The following STX18 variants were observed in gnomAD, a reference collection of about 807,000 sequenced individuals.
The protein encoded by STX18 is syntaxin-18.
STX18 carries 40 observed loss-of-function variants against 50.1 expected under a neutral mutation model. The observed-to-expected ratio is 0.80, with a 90% CI of 0.62 to 1.04. STX18 has a LOEUF of 1.04. Among genes scored for constraint, STX18 ranks in the 50% least tolerant of loss-of-function variants. The probability of loss-of-function intolerance (pLI) is 0.00; values close to 1 mark genes in which losing one functional copy is unlikely to be tolerated. For missense variants in STX18, 410 were observed against 415.8 expected (o/e 0.99, Z 0.12); for synonymous variants, 158 against 151.8 (o/e 1.04, Z -0.30).
At chr4:4,478,203 C>T (rs1728286926) in intron 1 of STX18, among the ~76,000 whole-genome samples, 1 of 147,390 alleles carries the variant, frequency 6.8e-6, no homozygotes, top group South Asian at 2.1e-4. Flanking sequence ...AAATTAACTA[C>T]ACTGGATACA....
At chr4:4,422,403 C>T (rs1408515134) in intron 9 of STX18, among the ~76,000 whole-genome samples, 2 of 151,852 alleles carry the variant, frequency 1.3e-5, no homozygotes, top group Non-Finnish European at 2.9e-5. Flanking sequence ...CCCGTCTTTA[C>T]TAAAAATACC....
intron 9 of STX18, 132 bp downstream of exon 9, chr4:4,423,386 C>T (rs1725067728): frequency 1.2e-6 from 1 of 861,756 alleles, no homozygotes; most frequent in Non-Finnish European, 1.9e-6. Context: ...TCTGCGCACA[C>T]ACACCTGCTA....
chr4:4,505,937 C>T (rs1373529592), intron 1 of STX18, among the ~76,000 whole-genome samples: 5 of 152,142 alleles, frequency 3.3e-5, no homozygotes, highest in Non-Finnish European at 5.9e-5. Context: ...GCCCTTTGTG[C>T]CTGTTTTTTA....
intron 1 of STX18, among the ~76,000 whole-genome samples, chr4:4,536,871 T>C (rs1049986704): frequency 6.6e-6 from 1 of 152,244 alleles, no homozygotes; most frequent in Admixed American, 6.5e-5. Context: ...TTCAGGATCA[T>C]TATTACCTTA....
chr4:4,462,693 TAA>T (rs1035145547), intron 2 of STX18, among the ~76,000 whole-genome samples: 3 of 138,862 alleles, frequency 2.2e-5, no homozygotes, highest in Non-Finnish European at 3.2e-5. Flanking sequence ...AAAACCACCT[TAA>T]AAAAAAAAAA....
intron 1 of STX18, among the ~76,000 whole-genome samples, chr4:4,479,667 T>A (rs1577359786): frequency 1.3e-5 from 2 of 152,228 alleles, no homozygotes; most frequent in South Asian, 4.1e-4. Context: ...ACTAGCTATA[T>A]TTTAATGACG....
chr4:4,494,079 G>A (rs1729063523), intron 1 of STX18, among the ~76,000 whole-genome samples: 1 of 152,138 alleles, frequency 6.6e-6, no homozygotes, highest in African/African-American at 2.4e-5. Flanking sequence ...ACTGGGGTCA[G>A]GTAAGCTAGG....
Position 4,459,349 on chromosome 4 carries a change from T to C in STX18, c.352+23A>G, listed in dbSNP as rs540414133. On this transcript the variant is annotated intron_variant, in intron 3 of 10. Transcript: ENST00000306200. ...ACTTGCTATATTCATGGTTGCTTGT[T>C]TGCATCTTTCAGAGCACTTTACCTT... 1.9e-6 allele frequency: 3 copies of C among 1,570,240 alleles called. No homozygotes were observed. The South Asian group carries it at 3.3e-5, about 17-fold the overall frequency.
Position 4,459,434 on chromosome 4 carries a change from T to A in STX18, c.290A>T (p.Asp97Val). The A allele has an allele frequency of 3.1e-6, 5 of 1,614,156 alleles. No individual in the cohort carries two copies. The highest frequency in any genetic ancestry group is 4.2e-6 in the Non-Finnish European group (5 of 1,180,020). The change falls in exon 3 of 11, where the codon GAC (aspartate) becomes GTC (valine). Residue 97 changes from aspartate to valine, a missense_variant. By Grantham distance (152) the Asp-to-Val change is radical. Coordinates refer to ENST00000306200, the MANE Select transcript of STX18 (RefSeq NM_016930.4). ...RMTDTERDQIDQDAQIFMRTC... is the reference protein window; with the variant it reads ...RMTDTERDQIVQDAQIFMRTC... The stretch of plus-strand genomic sequence containing the variant: ...CCTCATGAATATCTGGGCATCCTGG[T>A]CTATCTGGTCTCGTTCTGTGTCTGT...
intron 5 of STX18, among the ~76,000 whole-genome samples, chr4:4,447,414 C>G (rs1726470616): frequency 6.6e-6 from 1 of 151,398 alleles, no homozygotes; most frequent in African/African-American, 2.4e-5. Flanking sequence ...ACGGTGAAAC[C>G]CCGTCTCTAC....
chr4:4,470,315 G>C (rs902741497), intron 2 of STX18, among the ~76,000 whole-genome samples: 2 of 152,128 alleles, frequency 1.3e-5, no homozygotes, highest in Non-Finnish European at 2.9e-5. Context: ...CCTCTTCCTA[G>C]TTGGGAAAAA....
chr4:4,469,451 CA>C (rs1405852990), intron 2 of STX18, among the ~76,000 whole-genome samples: 3 of 151,834 alleles, frequency 2.0e-5, no homozygotes, highest in African/African-American at 7.3e-5. Flanking sequence ...GCTTAAGGAG[CA>C]AGCAAGGTCA....
At chr4:4,494,460 A>G (rs902760168) in intron 1 of STX18, among the ~76,000 whole-genome samples, 8 of 152,206 alleles carry the variant, frequency 5.3e-5, no homozygotes, top group Non-Finnish European at 8.8e-5. Flanking sequence ...CAATGGATTT[A>G]GCATTCATTT....
At chr4:4,466,525 G>A (rs1308808890) in intron 2 of STX18, among the ~76,000 whole-genome samples, 1 of 152,180 alleles carries the variant, frequency 6.6e-6, no homozygotes, top group African/African-American at 2.4e-5. Flanking sequence ...GACAGACCAG[G>A]AGAGGAAGGG....
At chr4:4,447,474 C>T (rs987768422) in intron 5 of STX18, among the ~76,000 whole-genome samples, 3 of 151,138 alleles carry the variant, frequency 2.0e-5, no homozygotes, top group Admixed American at 1.3e-4. Context: ...GCCTGTAGTC[C>T]CAGCTACTCG....
intron 5 of STX18, chr4:4,453,815 C>T (rs1309203535): frequency 5.0e-6 from 1 of 201,584 alleles, no homozygotes; most frequent in African/African-American, 2.4e-5. Flanking sequence ...TCAATGAAGC[C>T]ACCTTCACCA....
chr4:4,510,996 C>A (rs1729977725), intron 1 of STX18, among the ~76,000 whole-genome samples: 1 of 151,896 alleles, frequency 6.6e-6, no homozygotes, highest in Non-Finnish European at 1.5e-5. Context: ...CACACTGGAG[C>A]CTGTTGTGGG....
At chr4:4,467,758 A>T (rs1008599148) in intron 2 of STX18, among the ~76,000 whole-genome samples, 1 of 17,206 alleles carries the variant, frequency 5.8e-5, no homozygotes, top group Admixed American at 7.5e-4. Context: ...GGTGGGTGGG[A>T]GGGTAGCTAG....
chr4:4,507,548 G>A (rs950930891), intron 1 of STX18: 12 of 768,622 alleles, frequency 1.6e-5, no homozygotes, highest in South Asian at 4.0e-5. Flanking sequence ...AAGCAAAAGC[G>A]TCCCAGGAGT....
Sources: gnomAD v4.1 joint callset for allele counts (sites outside exome capture counted in the v4.1 genomes callset) on GRCh38, gnomAD v4.1.1 for gene constraint, MANE v1.5 for transcripts, NCBI Gene and HGNC (gene_info 2026-07-23, HGNC 2026-07-21) for gene names.